The following MACROD2 variants were observed in gnomAD, a reference collection of about 807,000 sequenced individuals.
The protein encoded by MACROD2 is mono-ADP ribosylhydrolase 2, also known as ADP-ribose glycohydrolase MACROD2.
Under a neutral mutation model 70.4 loss-of-function variants are expected in MACROD2, and 36 were observed. The ratio of observed to expected loss-of-function variants is 0.51; its 90% CI spans 0.39 to 0.68. The LOEUF is 0.68. MACROD2 is among the 30% of genes least tolerant of loss of function. MACROD2 has a pLI of 0.00. For synonymous variants in MACROD2, 172 were observed against 178.8 expected, an observed-to-expected ratio of 0.96 and a Z score of 0.30; for missense variants, 496 against 538.4, an observed-to-expected ratio of 0.92 and a Z score of 0.78.
intron 17 of MACROD2, 126 bp downstream of exon 17, chr20:16,044,765 A>T: frequency 1.2e-6 from 1 of 814,262 alleles, no homozygotes. Flanking sequence ...AAACCTTGAA[A>T]ATCTTTAAAC....
At chr20:15,001,625 A>C (rs948355989) in intron 5 of MACROD2, among the ~76,000 whole-genome samples, 9 of 152,164 alleles carry the variant, frequency 5.9e-5, no homozygotes, top group African/African-American at 2.2e-4. Context: ...AAAGTTTAAA[A>C]ATCTAAACTG....
chr20:14,218,878 T>C, intron 3 of MACROD2, among the ~76,000 whole-genome samples: 1 of 152,238 alleles, frequency 6.6e-6, no homozygotes. Context: ...GCTTTTAGCC[T>C]GTAGGGTTTC....
chr20:14,682,137 T>C (rs2070940043), intron 4 of MACROD2, among the ~76,000 whole-genome samples: 1 of 152,098 alleles, frequency 6.6e-6, no homozygotes, highest in Non-Finnish European at 1.5e-5. Context: ...GCAAACTGCA[T>C]TAAGGAGCAA....
intron 4 of MACROD2, among the ~76,000 whole-genome samples, chr20:14,577,064 T>G (rs1196172989): frequency 2.0e-5 from 3 of 152,180 alleles, no homozygotes; most frequent in Non-Finnish European, 2.9e-5. Context: ...TCTTTCTGGG[T>G]GTAATTCTGA....
At chr20:14,393,427 T>A (rs1367396194) in intron 3 of MACROD2, among the ~76,000 whole-genome samples, 1 of 152,176 alleles carries the variant, frequency 6.6e-6, no homozygotes, top group African/African-American at 2.4e-5. Context: ...GAAAATTGAA[T>A]ATATTCTGTC....
At chr20:15,506,841 A>G (rs529526704) in intron 8 of MACROD2, among the ~76,000 whole-genome samples, 9 of 152,356 alleles carry the variant, frequency 5.9e-5, no homozygotes, top group African/African-American at 2.2e-4. Context: ...GAAGGAGCAA[A>G]GGAAATGCTC....
chr20:15,007,095 T>G (rs2075044158), intron 5 of MACROD2, among the ~76,000 whole-genome samples: 1 of 152,146 alleles, frequency 6.6e-6, no homozygotes, highest in Non-Finnish European at 1.5e-5. Context: ...CCGGGCGCAG[T>G]GGCTCACTTC....
chr20:15,805,368 G>T (rs1230118601), intron 8 of MACROD2, among the ~76,000 whole-genome samples: 2 of 152,156 alleles, frequency 1.3e-5, no homozygotes, highest in Non-Finnish European at 2.9e-5. Context: ...GCTGGGAAGA[G>T]CCTGGAGCCT....
At chr20:14,541,585 C>G (rs1182109590) in intron 4 of MACROD2, among the ~76,000 whole-genome samples, 3 of 144,794 alleles carry the variant, frequency 2.1e-5, no homozygotes, top group Non-Finnish European at 3.0e-5. Flanking sequence ...AGCACATGTA[C>G]ACACAGCACA....
chr20:15,192,052 A>ATCTATCTATCTATCTATCTC (rs1555791204), intron 5 of MACROD2, among the ~76,000 whole-genome samples: 7 of 150,762 alleles, frequency 4.6e-5, no homozygotes, highest in African/African-American at 1.5e-4. Flanking sequence ...CTATCTATCT[A>ATCTATCTATCTATCTATCTC]TCTATCTATC....
intron 2 of MACROD2, among the ~76,000 whole-genome samples, chr20:14,077,380 G>A (rs185199748): frequency 1.3e-5 from 2 of 152,140 alleles, no homozygotes; most frequent in Non-Finnish European, 2.9e-5. Flanking sequence ...ATTGTAAGAT[G>A]ATATACTCAT....
intron 8 of MACROD2, among the ~76,000 whole-genome samples, chr20:15,776,410 G>A (rs950831285): frequency 6.6e-6 from 1 of 152,130 alleles, no homozygotes; most frequent in Non-Finnish European, 1.5e-5. Flanking sequence ...TCACCTGAAG[G>A]ACAAGGTTGA....
At chr20:15,677,919 G>T (rs1384469891) in intron 8 of MACROD2, among the ~76,000 whole-genome samples, 3 of 152,030 alleles carry the variant, frequency 2.0e-5, no homozygotes, top group Non-Finnish European at 2.9e-5. Context: ...TACAAAATTA[G>T]CCAAGCATGG....
chr20:15,931,473 C>G (rs1419518174), intron 10 of MACROD2, among the ~76,000 whole-genome samples: 1 of 151,962 alleles, frequency 6.6e-6, no homozygotes, highest in Non-Finnish European at 1.5e-5. Flanking sequence ...AAGACCCTTT[C>G]TCTCCAAAAA....
intron 5 of MACROD2, among the ~76,000 whole-genome samples, chr20:14,807,621 A>G (rs1041650844): frequency 1.3e-5 from 2 of 152,110 alleles, no homozygotes; most frequent in Non-Finnish European, 2.9e-5. Context: ...AGGCTTCAGA[A>G]GGTGAGTAAT....
chr20:15,360,011 C>T (rs982661553), intron 6 of MACROD2, among the ~76,000 whole-genome samples: 14 of 152,136 alleles, frequency 9.2e-5, no homozygotes, highest in African/African-American at 3.4e-4. Context: ...TCACTCCCAC[C>T]CACACCATCT....
chr20:15,188,474 T>A (rs1190449294), intron 5 of MACROD2, among the ~76,000 whole-genome samples: 1 of 152,196 alleles, frequency 6.6e-6, no homozygotes, highest in Non-Finnish European at 1.5e-5. Context: ...GGGCCCTCTG[T>A]TTTTTGTGCT....
At chr20:14,401,162 T>C (rs1468736820) in intron 3 of MACROD2, among the ~76,000 whole-genome samples, 2 of 152,228 alleles carry the variant, frequency 1.3e-5, no homozygotes, top group East Asian at 1.9e-4. Flanking sequence ...AGTCTAGTTA[T>C]ATTATTTATG....
intron 8 of MACROD2, among the ~76,000 whole-genome samples, chr20:15,852,670 C>G (rs570395709): frequency 1.3e-5 from 2 of 152,182 alleles, no homozygotes; most frequent in African/African-American, 4.8e-5. Flanking sequence ...AATCTTTATC[C>G]GTTACACCAT....
Sources: gnomAD v4.1 joint callset for allele counts (sites outside exome capture counted in the v4.1 genomes callset) on GRCh38, gnomAD v4.1.1 for gene constraint, MANE v1.5 for transcripts, NCBI Gene and HGNC (gene_info 2026-07-23, HGNC 2026-07-21) for gene names.